UNC93A: variants seen among roughly 807,000 people sequenced by gnomAD.
UNC93A encodes unc-93 homolog A, also known as N-acetylglucosamine transporter UNC93A.
In UNC93A, 43 loss-of-function variants were observed where a neutral mutation model predicts 47.5. The ratio of observed to expected loss-of-function variants is 0.91; its 90% CI spans 0.71 to 1.17. The LOEUF (loss-of-function observed/expected upper bound fraction) is 1.17. Ranked by LOEUF, UNC93A falls within the 50% of genes most tolerant of loss-of-function variation. The pLI is 0.00. For missense variants in UNC93A, 605 were observed against 577.6 expected (o/e 1.05, Z -0.49); for synonymous variants, 280 against 258.0 (o/e 1.09, Z -0.82).
chr6:167,279,536 T>C (rs928769884), intron 1 of UNC93A, among the ~76,000 whole-genome samples: 33 of 152,358 alleles, frequency 2.2e-4, no homozygotes, highest in Admixed American at 7.8e-4. Context: ...TTTCAGATAG[T>C]ATATAGATAT....
chr6:167,289,489 GAA>G (rs1783803861), upstream of UNC93A, among the ~76,000 whole-genome samples: 1 of 152,230 alleles, frequency 6.6e-6, no homozygotes, highest in Non-Finnish European at 1.5e-5. Flanking sequence ...CATGGTTTCA[GAA>G]ATTCAATCCT....
chr6:167,284,324 T>C (rs954630852), intron 1 of UNC93A, among the ~76,000 whole-genome samples: 1 of 151,750 alleles, frequency 6.6e-6, no homozygotes, highest in African/African-American at 2.4e-5. Flanking sequence ...TTCTAGAGAC[T>C]GGCCCAGTGC....
At chr6:167,295,434 G>GCCTCCCTCGTGATCCTC (rs1562349908) in intron 2 of UNC93A, among the ~76,000 whole-genome samples, 3 of 90,294 alleles carry the variant, frequency 3.3e-5, no homozygotes, top group African/African-American at 1.2e-4. Context: ...CGTGATCCTC[G>GCCTCCCTCGTGATCCTC]GCCTCCCTCG....
intron 1 of UNC93A, among the ~76,000 whole-genome samples, chr6:167,274,481 C>T (rs1783505469): frequency 6.6e-6 from 1 of 152,162 alleles, no homozygotes. Context: ...TGTTTATCCT[C>T]CTCTTCCTGC....
chr6:167,270,393 T>G (rs538477349), upstream of UNC93A, among the ~76,000 whole-genome samples: 47 of 151,924 alleles, frequency 3.1e-4, no homozygotes, highest in African/African-American at 1.1e-3. Context: ...CGGAGGGCTG[T>G]GGGGTGCCCA....
chr6:167,288,847 G>A (rs1783790105), upstream of UNC93A, among the ~76,000 whole-genome samples: 2 of 152,380 alleles, frequency 1.3e-5, no homozygotes, highest in South Asian at 4.1e-4. Context: ...TCTAGTGGCT[G>A]GTGAAGTCTC....
intron 4 of UNC93A, among the ~76,000 whole-genome samples, chr6:167,298,668 A>T (rs965731773): frequency 1.3e-5 from 2 of 152,136 alleles, no homozygotes; most frequent in Non-Finnish European, 2.9e-5. Context: ...GTTAATTGTC[A>T]TGACGAGGCT....
intron 1 of UNC93A, among the ~76,000 whole-genome samples, chr6:167,272,386 G>A (rs1783464313): frequency 6.6e-6 from 1 of 152,224 alleles, no homozygotes; most frequent in African/African-American, 2.4e-5. Context: ...ATTTCCAGGT[G>A]GTGACAGCTG....
intron 7 of UNC93A, among the ~76,000 whole-genome samples, chr6:167,310,312 G>T (rs532098325): frequency 6.6e-6 from 1 of 152,404 alleles, no homozygotes; most frequent in South Asian, 2.1e-4. Context: ...TTCCCTAAAT[G>T]CTCCCAATGA....
chr6:167,289,212 G>A (rs1438455518), upstream of UNC93A, among the ~76,000 whole-genome samples: 5 of 152,242 alleles, frequency 3.3e-5, no homozygotes, highest in Non-Finnish European at 5.9e-5. Context: ...TGTGTAGGCT[G>A]CGGGAAGGCA....
intron 7 of UNC93A, among the ~76,000 whole-genome samples, chr6:167,310,741 C>T (rs1324096167): frequency 2.0e-5 from 3 of 152,062 alleles, no homozygotes; most frequent in Non-Finnish European, 4.4e-5. Context: ...ATTAGCCAGG[C>T]GTGATGGCAC....
upstream of UNC93A, among the ~76,000 whole-genome samples, chr6:167,270,239 A>G (rs1783429848): frequency 6.6e-6 from 1 of 152,172 alleles, no homozygotes; most frequent in African/African-American, 2.4e-5. Context: ...GACAGGGATA[A>G]TGATGGCACA....
intron 4 of UNC93A, among the ~76,000 whole-genome samples, chr6:167,302,611 C>T (rs1778273994): frequency 6.6e-6 from 1 of 152,092 alleles, no homozygotes; most frequent in Non-Finnish European, 1.5e-5. Flanking sequence ...TCTCCATCGA[C>T]AGAAATTGAG....
At chr6:167,297,392 C>T (rs1440380361) in intron 3 of UNC93A, among the ~76,000 whole-genome samples, 2 of 149,458 alleles carry the variant, frequency 1.3e-5, no homozygotes, top group Admixed American at 6.6e-5. Context: ...TTCTTTCTCC[C>T]ACCACATCTT....
chr6:167,314,749 C>T (rs562528701), intron 7 of UNC93A, among the ~76,000 whole-genome samples: 10 of 152,264 alleles, frequency 6.6e-5, no homozygotes, highest in South Asian at 2.1e-4. Context: ...ACCCGTGACC[C>T]GGAAGCCCCC....
chr6:167,291,538 C>A lies in UNC93A; in HGVS notation c.49C>A (p.Leu17Ile), dbSNP rs1417176560. ...CCTTGTGGTTTCCTTTGGGTTCCTGCTTCTCTTTACAGCCTATGGAGGTCT... is the reference window on the plus strand; with the variant it reads ...CCTTGTGGTTTCCTTTGGGTTCCTGATTCTCTTTACAGCCTATGGAGGTCT... ...NVLVVSFGFL[L>I]LFTAYGGLQS... The change falls in exon 1 of 8, where the codon CTT becomes ATT. Residue 17 changes from leucine to isoleucine, a missense_variant. By Grantham distance (5) the Leu-to-Ile change is conservative (BLOSUM62 2). Transcript: ENST00000230256. 1 of 1,613,822 alleles carries A rather than the reference C, an allele frequency of 6.2e-7. No individual in the cohort carries two copies. Among genetic ancestry groups the A allele is most frequent in the Non-Finnish European group, 8.5e-7 (1 of 1,179,886 alleles).
intron 7 of UNC93A, 109 bp from the exon 8 acceptor site, chr6:167,315,078 G>A (rs1244404441): frequency 5.4e-6 from 8 of 1,479,864 alleles, no homozygotes; most frequent in East Asian, 2.3e-5. Flanking sequence ...AAAGAAAAAT[G>A]TCTTGATTTA....
chr6:167,281,219 G>A (rs754029856), intron 1 of UNC93A, among the ~76,000 whole-genome samples: 2 of 151,590 alleles, frequency 1.3e-5, no homozygotes, highest in African/African-American at 2.4e-5. Context: ...GGAGCCCCAG[G>A]GGGACAGCCC....
At position 167,278,709 on chromosome 6, in the gene UNC93A, T is replaced by G. The variant is rs570225437; in HGVS notation, c.-52+7251T>G. Among the ~76,000 whole-genome samples the G allele has an allele frequency of 3.9e-3, 591 of 152,260 alleles. 7 individuals carry two copies. The highest frequency in any genetic ancestry group is 0.014 in the African/African-American group (569 of 41,536). ...TCTGCAAATGCAGCCATCTGCTTCCTGCTGTGACACTTCATTCCTCCGCCC... is the reference window on the plus strand; with the variant it reads ...TCTGCAAATGCAGCCATCTGCTTCCGGCTGTGACACTTCATTCCTCCGCCC... On this transcript the variant is annotated intron_variant, in intron 1 of 3. Coordinates refer to the UNC93A transcript ENST00000503433.
Sources: allele counts gnomAD v4.1 joint callset (sites outside exome capture counted in the v4.1 genomes callset), GRCh38; gene constraint gnomAD v4.1.1; transcripts MANE v1.5; gene names NCBI Gene and HGNC (gene_info 2026-07-23, HGNC 2026-07-21).